BPIFC: variants seen among roughly 807,000 people sequenced by gnomAD.
BPIFC encodes the protein BPI fold containing family C.
In BPIFC, 60 loss-of-function variants were observed where a neutral mutation model predicts 57.6. The observed-to-expected ratio is 1.04, with a 90% CI of 0.85 to 1.29. BPIFC has a LOEUF of 1.29. BPIFC is among the 50% of genes most tolerant of loss of function. The probability of loss-of-function intolerance (pLI) is 0.00; values close to 1 mark genes in which losing one functional copy is unlikely to be tolerated. For missense variants in BPIFC, 581 were observed against 600.5 expected (o/e 0.97, Z 0.34); for synonymous variants, 243 against 224.5 (o/e 1.08, Z -0.74).
intron 3 of BPIFC, among the ~76,000 whole-genome samples, chr22:32,454,326 A>G (rs1000508269): frequency 1.3e-5 from 2 of 152,208 alleles, no homozygotes; most frequent in Non-Finnish European, 2.9e-5. Flanking sequence ...ATTCTAATAA[A>G]AAACTGTGGG....
At chr22:32,448,974 G>A (rs568094319) in intron 4 of BPIFC, among the ~76,000 whole-genome samples, 1 of 152,034 alleles carries the variant, frequency 6.6e-6, no homozygotes, top group East Asian at 1.9e-4. Flanking sequence ...TATCTATTGA[G>A]TGGTTGCTAC....
At chr22:32,416,027 C>A in intron 15 of BPIFC, 36 bp from the exon 16 acceptor site, 4 of 1,376,370 alleles carry the variant, frequency 2.9e-6, no homozygotes, top group South Asian at 1.3e-5. Flanking sequence ...CAATTGGGCA[C>A]AAGCACAGAG....
chr22:32,421,575 TAG>T (rs1933849339), intron 13 of BPIFC, among the ~76,000 whole-genome samples: 1 of 152,166 alleles, frequency 6.6e-6, no homozygotes, highest in Admixed American at 6.5e-5. Context: ...GCATGTCTGA[TAG>T]AGATACTCTC....
In BPIFC at chr22:32,447,255, T is replaced by C; in HGVS notation, c.331A>G (p.Thr111Ala). 6.2e-7 allele frequency: 1 copy of C among 1,614,080 alleles called. No individual in the cohort carries two copies. Among genetic ancestry groups the C allele is most frequent in the South Asian group, 1.1e-5 (1 of 91,070 alleles). ...CCCCAGTCTGTGCTGATGTTGGCAGTGCCATGGTTGGTTAGCGCTTTGATT... is the reference window on the plus strand; with the variant it reads ...CCCCAGTCTGTGCTGATGTTGGCAGCGCCATGGTTGGTTAGCGCTTTGATT... Reference protein sequence around the residue: ...VGIKALTNHGTANISTDWGFE... With the variant: ...VGIKALTNHGAANISTDWGFE... The change falls in exon 5 of 17, where the codon ACT becomes GCT. Residue 111 changes from threonine (T) to alanine (A), a missense_variant. Physicochemically the swap from Thr to Ala is moderately conservative, Grantham distance 58. Coordinates refer to ENST00000300399, the MANE Select transcript of BPIFC (RefSeq NM_174932.3).
intron 7 of BPIFC, among the ~76,000 whole-genome samples, chr22:32,443,830 G>A (rs183836224): frequency 1.3e-5 from 2 of 151,182 alleles, no homozygotes; most frequent in African/African-American, 2.5e-5. Context: ...AACTTGCCCA[G>A]CTTATAGTAA....
At chr22:32,443,985 C>T (rs191456961) in intron 7 of BPIFC, among the ~76,000 whole-genome samples, 6 of 152,220 alleles carry the variant, frequency 3.9e-5, no homozygotes, top group Admixed American at 1.3e-4. Context: ...GTTGCATAGC[C>T]GGGATTTGAA....
Position 32,457,590 on chromosome 22 carries a change from C to T in BPIFC, c.1-204G>A, listed in dbSNP as rs187718407. Among the ~76,000 whole-genome samples, 566 of 151,982 alleles carry T rather than the reference C, an allele frequency of 3.7e-3. 2 individuals are homozygous for T. The highest frequency in any genetic ancestry group is 0.013 in the African/African-American group (535 of 41,416). Reference sequence around the variant, plus strand: ...CCATCCATCCATCCATCCATCCATCCATCCATCCATGCGCTCTCCCACCCA... The same window carrying T: ...CCATCCATCCATCCATCCATCCATCTATCCATCCATGCGCTCTCCCACCCA... On this transcript the variant is annotated intron_variant, in intron 2 of 16. Transcript: ENST00000300399.
intron 4 of BPIFC, among the ~76,000 whole-genome samples, chr22:32,450,874 A>G (rs1934878740): frequency 1.3e-5 from 2 of 152,200 alleles, no homozygotes; most frequent in African/African-American, 2.4e-5. Flanking sequence ...AGCATTTTGG[A>G]TAAGGGATAC....
chr22:32,435,633 T>C, intron 10 of BPIFC, 71 bp downstream of exon 10: 1 of 1,486,838 alleles, frequency 6.7e-7, no homozygotes, highest in Non-Finnish European at 9.1e-7. Context: ...GGCATAAAAG[T>C]TCTACAATAG....
intron 3 of BPIFC, 40 bp downstream of exon 3, chr22:32,457,223 A>G (rs766839949): frequency 1.3e-6 from 2 of 1,568,406 alleles, no homozygotes; most frequent in Non-Finnish European, 1.7e-6. Context: ...GACCCCACCT[A>G]GTGGGCCTGA....
At chr22:32,450,472 G>A (rs916130859) in intron 4 of BPIFC, among the ~76,000 whole-genome samples, 8 of 152,126 alleles carry the variant, frequency 5.3e-5, no homozygotes, top group Non-Finnish European at 1.0e-4. Context: ...AAATCTTGTA[G>A]TAATCACATT....
intron 4 of BPIFC, among the ~76,000 whole-genome samples, chr22:32,447,963 C>CA (rs924187612): frequency 6.6e-5 from 10 of 151,136 alleles, no homozygotes; most frequent in South Asian, 6.3e-4. Context: ...TATTTAAAGA[C>CA]AAAAAAAAGG....
intron 1 of BPIFC, among the ~76,000 whole-genome samples, chr22:32,463,521 A>T (rs941785364): frequency 6.6e-6 from 1 of 151,946 alleles, no homozygotes; most frequent in African/African-American, 2.4e-5. Flanking sequence ...AACACCTGAA[A>T]CTCACAGATG....
intron 15 of BPIFC, 105 bp from the exon 16 acceptor site, chr22:32,416,096 T>G (rs1176395595): frequency 1.5e-6 from 1 of 646,016 alleles, no homozygotes; most frequent in African/African-American, 2.0e-5. Flanking sequence ...TTTTTTTTTT[T>G]GAGATGGAGT....
intron 2 of BPIFC, among the ~76,000 whole-genome samples, chr22:32,460,612 T>C (rs897133869): frequency 1.1e-4 from 16 of 152,214 alleles, no homozygotes; most frequent in African/African-American, 3.9e-4. Context: ...GTTTTCTGCC[T>C]AATGCTATTG....
At chr22:32,445,099 C>T (rs1601471780) in intron 7 of BPIFC, among the ~76,000 whole-genome samples, 2 of 152,146 alleles carry the variant, frequency 1.3e-5, no homozygotes, top group Non-Finnish European at 2.9e-5. Context: ...CTCTGCATCC[C>T]AAGCACCTAC....
Position 32,414,185 on chromosome 22 carries a change from G to T in BPIFC, c.*118C>A. 1 of 1,391,830 alleles carries T rather than the reference G, an allele frequency of 7.2e-7. No individual in the cohort carries two copies. The highest frequency in any genetic ancestry group is 9.7e-7 in the Non-Finnish European group (1 of 1,029,986). 86.2% of individuals were successfully genotyped at this position (1,391,830 alleles called of 1,614,324 possible). A position where few individuals can be genotyped will look rare whatever the true frequency, so the allele number is the denominator to read the frequency against. On this transcript the variant is annotated 3_prime_UTR_variant, in exon 17 of 17. Coordinates refer to ENST00000300399, the MANE Select transcript of BPIFC (RefSeq NM_174932.3). Reference sequence around the variant, plus strand: ...GAAGGCTTAAGAAAGAAAACTTTCTGCCTAAGCAATTCACAAGGGCTTTAC... The same window carrying T: ...GAAGGCTTAAGAAAGAAAACTTTCTTCCTAAGCAATTCACAAGGGCTTTAC...
At position 32,435,877 on chromosome 22, in the gene BPIFC, C is replaced by A; in HGVS notation, c.751G>T (p.Val251Leu). 6.2e-7 allele frequency: 1 copy of A among 1,610,432 alleles called. No individual in the cohort carries two copies. Among genetic ancestry groups the A allele is most frequent in the Non-Finnish European group, 8.5e-7 (1 of 1,179,052 alleles). The change falls in exon 10 of 17, where the codon GTA becomes TTA. Residue 251 changes from valine (V) to leucine (L), a missense_variant. Coordinates refer to ENST00000300399, the MANE Select transcript of BPIFC (RefSeq NM_174932.3). ...ENYLDLNLKG[V>L]FYPLENLTDP... ...GTGAGGTTTTCCAGTGGGTAGAATA[C>A]ACCCTGTGGGAAAAGAGAGAGAAAG...
chr22:32,422,490 T>C lies in BPIFC; in HGVS notation c.1218-3086A>G, dbSNP rs187482678. On this transcript the variant is annotated intron_variant, in intron 13 of 16. Transcript: ENST00000300399. ...GGGAGGCTGAGACGGGTGGATCACC[T>C]GAAGTCAGGAGTTCGAGACCAGCCT... is the stretch of plus-strand genomic sequence containing the variant. Among the ~76,000 whole-genome samples, 519 of 152,212 alleles carry C rather than the reference T, an allele frequency of 3.4e-3. 1 individual carries two copies. The highest frequency in any genetic ancestry group is 0.012 in the African/African-American group (493 of 41,524).
Sources: allele counts gnomAD v4.1 joint callset (sites outside exome capture counted in the v4.1 genomes callset), GRCh38; gene constraint gnomAD v4.1.1; transcripts MANE v1.5; gene names NCBI Gene and HGNC (gene_info 2026-07-23, HGNC 2026-07-21).